The following TMPRSS11D variants were observed in gnomAD, a reference collection of about 807,000 sequenced individuals.
The protein encoded by TMPRSS11D is transmembrane serine protease 11D.
TMPRSS11D carries 32 observed loss-of-function variants against 44.4 expected under a neutral mutation model. The ratio of observed to expected loss-of-function variants is 0.72; its 90% confidence interval spans 0.54 to 0.97. The LOEUF (loss-of-function observed/expected upper bound fraction) is 0.97, where lower values mean the gene tolerates loss of function less well. Ranked by LOEUF, TMPRSS11D falls within the 50% of genes least tolerant of loss-of-function variation. The pLI is 0.00. For missense variants in TMPRSS11D, 446 were observed against 502.6 expected (o/e 0.89, Z 1.08); for synonymous variants, 179 against 177.9 (o/e 1.01, Z -0.05).
intron 1 of TMPRSS11D, among the ~76,000 whole-genome samples, chr4:67,880,091 A>G (rs998960381): frequency 1.3e-5 from 2 of 152,234 alleles, no homozygotes; most frequent in Admixed American, 1.3e-4. Flanking sequence ...TGGTGAAACC[A>G]TGAAGAAAAT....
intron 3 of TMPRSS11D, among the ~76,000 whole-genome samples, chr4:67,846,313 A>T (rs548109043): frequency 1.3e-5 from 2 of 152,196 alleles, no homozygotes; most frequent in Non-Finnish European, 2.9e-5. Context: ...AATATCCATT[A>T]TAATATATTT....
At chr4:67,853,765 A>T (rs1488773687) in intron 3 of TMPRSS11D, among the ~76,000 whole-genome samples, 1 of 152,252 alleles carries the variant, frequency 6.6e-6, no homozygotes, top group Non-Finnish European at 1.5e-5. Flanking sequence ...AAAAGAATTT[A>T]AAAAGACAAT....
chr4:67,862,919 G>A (rs1052477823), intron 1 of TMPRSS11D, among the ~76,000 whole-genome samples: 1 of 151,806 alleles, frequency 6.6e-6, no homozygotes, highest in Non-Finnish European at 1.5e-5. Context: ...GGGTGGGGGA[G>A]AGGGGAGGGA....
intron 1 of TMPRSS11D, among the ~76,000 whole-genome samples, chr4:67,872,173 A>G (rs1349676191): frequency 6.6e-6 from 1 of 152,220 alleles, no homozygotes; most frequent in Non-Finnish European, 1.5e-5. Flanking sequence ...ACAAGAAACA[A>G]CTACTTACAG....
chr4:67,869,297 A>C (rs1223644876), intron 1 of TMPRSS11D, among the ~76,000 whole-genome samples: 1 of 152,156 alleles, frequency 6.6e-6, no homozygotes, highest in Admixed American at 6.5e-5. Context: ...ATACAGGCCT[A>C]CAATATAAAT....
At chr4:67,860,871 TG>T (rs1718777198) in intron 1 of TMPRSS11D, among the ~76,000 whole-genome samples, 1 of 152,112 alleles carries the variant, frequency 6.6e-6, no homozygotes, top group African/African-American at 2.4e-5. Flanking sequence ...TGGTATTGTT[TG>T]GGCTCTACTC....
rs149733718 is a variant in TMPRSS11D at position 67,867,530 on chromosome 4, G to C, written c.9-7852C>G. 5.2e-3 allele frequency among the ~76,000 whole-genome samples: 788 copies of C among 152,230 alleles called. 7 individuals carry two copies. Among genetic ancestry groups the C allele is most frequent in the African/African-American group, 0.018 (744 of 41,548 alleles). Reference sequence around the variant, plus strand: ...TGCACAGCAAAAGAAATAATCAGCAGAGTGAACAGACAACCTGAAAATGGG... The same window carrying C: ...TGCACAGCAAAAGAAATAATCAGCACAGTGAACAGACAACCTGAAAATGGG... On this transcript the variant is annotated intron_variant, in intron 1 of 9. Coordinates refer to ENST00000283916, the MANE Select transcript of TMPRSS11D (RefSeq NM_004262.3).
intron 4 of TMPRSS11D, among the ~76,000 whole-genome samples, chr4:67,839,472 CAAAG>C (rs777636581): frequency 7.2e-5 from 11 of 151,984 alleles, no homozygotes; most frequent in Non-Finnish European, 1.3e-4. Flanking sequence ...AGACCAAAAA[CAAAG>C]AAGAATGTGA....
intron 2 of TMPRSS11D, 63 bp downstream of exon 2, chr4:67,859,494 A>T (rs1718742363): frequency 6.5e-7 from 1 of 1,546,220 alleles, no homozygotes; most frequent in Admixed American, 1.9e-5. Flanking sequence ...AGAATGCCAG[A>T]CTTTAAATCT....
chr4:67,857,766 G>A (rs1452765711), intron 2 of TMPRSS11D, among the ~76,000 whole-genome samples: 1 of 152,140 alleles, frequency 6.6e-6, no homozygotes, highest in Non-Finnish European at 1.5e-5. Flanking sequence ...TAAACATATA[G>A]TTAGATAAAT....
intron 1 of TMPRSS11D, among the ~76,000 whole-genome samples, chr4:67,864,730 T>C (rs1436555511): frequency 6.6e-6 from 1 of 151,890 alleles, no homozygotes; most frequent in African/African-American, 2.4e-5. Flanking sequence ...TAGCTATGTT[T>C]ATATCAGATA....
Position 67,842,587 on chromosome 4 carries a change from C to CTGATT in TMPRSS11D, c.283_287dup (p.Phe97IlefsTer11). ...GTTTGGCAACATGAGCTCTGATGAA[C>CTGATT]TGATTTCTTAAATTTGATTCTTTGA... On this transcript the variant is annotated frameshift_variant, in exon 4 of 10. Transcript: ENST00000283916. LOFTEE classifies it high-confidence loss of function. 1 of 1,605,858 alleles carries CTGATT rather than the reference C, an allele frequency of 6.2e-7. No homozygotes were observed. Among genetic ancestry groups the CTGATT allele is most frequent in the Non-Finnish European group, 8.5e-7 (1 of 1,178,136 alleles).
At chr4:67,850,190 T>C (rs1718467764) in intron 3 of TMPRSS11D, among the ~76,000 whole-genome samples, 2 of 152,124 alleles carry the variant, frequency 1.3e-5, no homozygotes, top group African/African-American at 4.8e-5. Context: ...TAGTGTATGA[T>C]AAAGGTGACA....
chr4:67,859,299 C>A (rs1313729694), intron 2 of TMPRSS11D, among the ~76,000 whole-genome samples: 1 of 151,592 alleles, frequency 6.6e-6, no homozygotes, highest in Non-Finnish European at 1.5e-5. Context: ...TAGAATAATT[C>A]TTTTTTGAGT....
intron 2 of TMPRSS11D, among the ~76,000 whole-genome samples, chr4:67,854,986 G>A (rs1405306220): frequency 7.1e-6 from 1 of 140,154 alleles, no homozygotes; most frequent in Non-Finnish European, 1.5e-5. Context: ...GCCGGGTGCA[G>A]TGGCTCATGC....
chr4:67,831,101 C>T lies in TMPRSS11D; in HGVS notation c.692+2103G>A, dbSNP rs574018908. Among the ~76,000 whole-genome samples the T allele has an allele frequency of 6.6e-5, 10 of 152,134 alleles. No individual in the cohort carries two copies. In the East Asian group the frequency reaches 1.9e-3, roughly 29 times the overall value. Reference sequence around the variant, plus strand: ...AATTATGGTCTCTTTCTTTGAGGAACTCTACACTAGTGAAGGAAACTGACA... The same window carrying T: ...AATTATGGTCTCTTTCTTTGAGGAATTCTACACTAGTGAAGGAAACTGACA... On this transcript the variant is annotated intron_variant, in intron 7 of 9. Coordinates refer to ENST00000283916, the MANE Select transcript of TMPRSS11D (RefSeq NM_004262.3).
chr4:67,866,093 C>T (rs2109695246), intron 1 of TMPRSS11D, among the ~76,000 whole-genome samples: 1 of 151,968 alleles, frequency 6.6e-6, no homozygotes, highest in Non-Finnish European at 1.5e-5. Flanking sequence ...ACATAAAAAT[C>T]CTCAACAAAA....
rs1370434262 is a variant in TMPRSS11D at position 67,863,286 on chromosome 4, A to G, written c.9-3608T>C. ...TCATAGTGTTGGCAATTATGTCTCA[A>G]TTTCCTTTTCTAACAAATAGAAAAC... is the stretch of plus-strand genomic sequence containing the variant. On this transcript the variant is annotated intron_variant, in intron 1 of 9. Transcript: ENST00000283916. Among the ~76,000 whole-genome samples, 3 of 147,788 alleles carry G rather than the reference A, an allele frequency of 2.0e-5. No homozygotes were observed. In the East Asian group the frequency reaches 5.9e-4, roughly 29 times the overall value.
At chr4:67,840,709 G>A (rs1718210242) in intron 4 of TMPRSS11D, among the ~76,000 whole-genome samples, 2 of 152,026 alleles carry the variant, frequency 1.3e-5, no homozygotes, top group South Asian at 2.1e-4. Flanking sequence ...ATGCTTGAGG[G>A]GATGGATACC....
Sources: gnomAD v4.1 joint callset for allele counts (sites outside exome capture counted in the v4.1 genomes callset) on GRCh38, gnomAD v4.1.1 for gene constraint, MANE v1.5 for transcripts, NCBI Gene and HGNC (gene_info 2026-07-23, HGNC 2026-07-21) for gene names.